Variants in PRDM5 observed in about 807,000 individuals in gnomAD.
PRDM5 encodes the protein PR domain zinc finger protein 5.
In PRDM5, 56 loss-of-function variants were observed where a neutral mutation model predicts 81.2. The ratio of observed to expected loss-of-function variants is 0.69; its 90% CI spans 0.56 to 0.86. The LOEUF (loss-of-function observed/expected upper bound fraction) is 0.86. Ranked by LOEUF, PRDM5 falls within the 40% of genes least tolerant of loss-of-function variation. PRDM5 has a pLI of 0.00. For synonymous variants in PRDM5, 267 were observed against 256.4 expected (o/e 1.04, Z -0.39); for missense variants, 697 against 770.1 (o/e 0.91, Z 1.12).
intron 13 of PRDM5, among the ~76,000 whole-genome samples, chr4:120,760,657 TG>T (rs1307130255): frequency 1.3e-5 from 2 of 152,138 alleles, no homozygotes; most frequent in African/African-American, 4.8e-5. Context: ...AGAAGCATGA[TG>T]GTAACTATAA....
chr4:120,830,007 A>C (rs573779644), intron 3 of PRDM5, among the ~76,000 whole-genome samples: 29 of 152,246 alleles, frequency 1.9e-4, no homozygotes, highest in African/African-American at 6.7e-4. Context: ...AAACTCCTGA[A>C]TCAGTCTTAA....
intron 1 of PRDM5, among the ~76,000 whole-genome samples, chr4:120,915,710 A>G (rs1413145549): frequency 6.6e-6 from 1 of 152,154 alleles, no homozygotes; most frequent in Non-Finnish European, 1.5e-5. Context: ...ACAACCATCA[A>G]AGGACTCCTA....
At position 120,852,615 on chromosome 4, in the gene PRDM5, C is replaced by A. The variant is rs576531529; in HGVS notation, c.300+803G>T. ...ATCAGCAATGTAGATTTTAAACTTA[C>A]CAGCTCCTATAATCATTGTGAGGTA... On this transcript the variant is annotated intron_variant, in intron 3 of 15. Coordinates refer to ENST00000264808, the MANE Select transcript of PRDM5 (RefSeq NM_018699.4). 2.1e-3 allele frequency among the ~76,000 whole-genome samples: 326 copies of A among 152,042 alleles called. 1 individual carries two copies. The highest frequency in any genetic ancestry group is 7.4e-3 in the African/African-American group (305 of 41,472).
At chr4:120,891,345 G>A (rs1036800557) in intron 2 of PRDM5, among the ~76,000 whole-genome samples, 1 of 151,946 alleles carries the variant, frequency 6.6e-6, no homozygotes, top group Non-Finnish European at 1.5e-5. Flanking sequence ...TGTCTCTGAG[G>A]GTTTTTTGTG....
In PRDM5 at chr4:120,695,061, G is replaced by A. The variant is rs185351209; in HGVS notation, c.*50C>T. ...TGCTGATCAGGTGATAAAAATCTGGGATTCATATTAGGAGCCCTTCTGAAT... is the reference window on the plus strand; with the variant it reads ...TGCTGATCAGGTGATAAAAATCTGGAATTCATATTAGGAGCCCTTCTGAAT... On this transcript the variant is annotated 3_prime_UTR_variant, in exon 16 of 16. Transcript: ENST00000264808. The A allele has an allele frequency of 1.8e-5, 28 of 1,572,410 alleles. No homozygotes were observed. Among genetic ancestry groups the A allele is most frequent in the Non-Finnish European group, 8.7e-7 (1 of 1,143,096 alleles).
Position 120,816,509 on chromosome 4 carries a change from C to A in PRDM5, c.809G>T (p.Gly270Val). 1 of 1,614,200 alleles carries A rather than the reference C, an allele frequency of 6.2e-7. No individual in the cohort carries two copies. Among genetic ancestry groups the A allele is most frequent in the Non-Finnish European group, 8.5e-7 (1 of 1,180,034 alleles). The change falls in exon 7 of 16, where the codon GGA (glycine) becomes GTA (valine). Residue 270 changes from glycine (G) to valine (V), a missense_variant. Gly to Val is a moderately radical substitution (Grantham distance 109). Coordinates refer to ENST00000264808, the MANE Select transcript of PRDM5 (RefSeq NM_018699.4). ...ARFVCKADSC[G>V]KRLKSKDALK... Reference sequence around the variant, plus strand: ...GGCATCCTTGCTCTTCAGCCTCTTTCCACAGCTGTCAGCCTTGCACACAAA... The same window carrying A: ...GGCATCCTTGCTCTTCAGCCTCTTTACACAGCTGTCAGCCTTGCACACAAA...
intron 8 of PRDM5, among the ~76,000 whole-genome samples, chr4:120,808,703 C>T (rs148149213): frequency 1.6e-3 from 242 of 152,286 alleles, no homozygotes; most frequent in African/African-American, 5.3e-3. Flanking sequence ...CAGGAGCCCA[C>T]GGCAATGGGG....
At position 120,696,193 on chromosome 4, in the gene PRDM5, A is replaced by G. The variant is rs895794635; in HGVS notation, c.1729-918T>C. 4.6e-5 allele frequency among the ~76,000 whole-genome samples: 7 copies of G among 152,270 alleles called. 1 individual carries two copies. In the Middle Eastern group the frequency reaches 0.017, roughly 370 times the overall value. On this transcript the variant is annotated intron_variant, in intron 15 of 15. Transcript: ENST00000264808. The stretch of plus-strand genomic sequence containing the variant: ...ATCCAATAATAATGAATTTTGACAC[A>G]GAAGTAGCAGCATAGTGTGGTATAA...
intron 11 of PRDM5, 107 bp downstream of exon 11, chr4:120,784,891 T>C (rs1749542250): frequency 1.1e-6 from 1 of 890,056 alleles, no homozygotes; most frequent in South Asian, 1.4e-5. Flanking sequence ...AGTCAGATTA[T>C]ATAAATACTT....
intron 13 of PRDM5, among the ~76,000 whole-genome samples, chr4:120,768,134 C>T (rs1746660959): frequency 6.6e-6 from 1 of 152,152 alleles, no homozygotes; most frequent in African/African-American, 2.4e-5. Context: ...AAGCATAAAA[C>T]TTTCACAGTA....
chr4:120,913,297 G>C lies in PRDM5; in HGVS notation c.94-5740C>G, dbSNP rs140371019. On this transcript the variant is annotated intron_variant, in intron 1 of 15. Transcript: ENST00000264808. ...TAGCTGGGGCTGAAGCAGCCACCTT[G>C]AGTCCAAGAGAATTGCAAAGACTTC... 2.8e-4 allele frequency among the ~76,000 whole-genome samples: 43 copies of C among 152,296 alleles called. No homozygotes were observed. In the East Asian group the frequency reaches 7.7e-3, roughly 27 times the overall value.
intron 2 of PRDM5, among the ~76,000 whole-genome samples, chr4:120,882,254 T>C (rs895528045): frequency 2.0e-5 from 3 of 152,254 alleles, no homozygotes; most frequent in Admixed American, 2.0e-4. Context: ...TTCAAGCGAT[T>C]CTCCTGTCTC....
At chr4:120,910,691 A>C (rs955077778) in intron 1 of PRDM5, among the ~76,000 whole-genome samples, 2 of 152,170 alleles carry the variant, frequency 1.3e-5, no homozygotes, top group Admixed American at 1.3e-4. Context: ...TGAAATTGCC[A>C]ATATTTGACC....
chr4:120,752,188 C>T (rs898814434), intron 14 of PRDM5, among the ~76,000 whole-genome samples: 6 of 152,046 alleles, frequency 3.9e-5, no homozygotes, highest in Admixed American at 1.3e-4. Context: ...AGCTGATAAC[C>T]TTAGTAGGCT....
At chr4:120,748,153 G>C (rs1187127296) in intron 14 of PRDM5, among the ~76,000 whole-genome samples, 1 of 152,154 alleles carries the variant, frequency 6.6e-6, no homozygotes, top group Non-Finnish European at 1.5e-5. Flanking sequence ...TTGAGGCACT[G>C]GACACAAAGA....
At chr4:120,787,159 A>G (rs544169139) in intron 10 of PRDM5, among the ~76,000 whole-genome samples, 2 of 152,310 alleles carry the variant, frequency 1.3e-5, no homozygotes, top group South Asian at 4.1e-4. Flanking sequence ...ATAGGTGGTC[A>G]AGAAAATTCT....
intron 14 of PRDM5, among the ~76,000 whole-genome samples, chr4:120,727,602 C>T (rs1739610446): frequency 6.6e-6 from 1 of 152,096 alleles, no homozygotes; most frequent in Non-Finnish European, 1.5e-5. Context: ...AAATGTCTAC[C>T]ACTTTTTGCT....
chr4:120,881,414 A>G (rs936754254), intron 2 of PRDM5, among the ~76,000 whole-genome samples: 4 of 152,344 alleles, frequency 2.6e-5, no homozygotes, highest in African/African-American at 9.6e-5. Flanking sequence ...TAAACGAATG[A>G]ATTTAACAAT....
chr4:120,843,828 C>T (rs1379294450), intron 3 of PRDM5, among the ~76,000 whole-genome samples: 1 of 152,114 alleles, frequency 6.6e-6, no homozygotes, highest in East Asian at 1.9e-4. Flanking sequence ...GGTCACCAAG[C>T]CACTATATCT....
Sources: gnomAD v4.1 joint callset for allele counts (sites outside exome capture counted in the v4.1 genomes callset) on GRCh38, gnomAD v4.1.1 for gene constraint, MANE v1.5 for transcripts, NCBI Gene and HGNC (gene_info 2026-07-23, HGNC 2026-07-21) for gene names.